Variants in GRTP1 observed in about 807,000 individuals in gnomAD.
The protein encoded by GRTP1 is growth hormone-regulated TBC protein 1.
Under a neutral mutation model 38.1 loss-of-function variants are expected in GRTP1, and 56 were observed. The ratio of observed to expected loss-of-function variants is 1.47; its 90% CI spans 1.19 to 1.84. The LOEUF (loss-of-function observed/expected upper bound fraction) is 1.84, where lower values mean the gene tolerates loss of function less well. GRTP1 is among the 40% of genes most tolerant of loss of function. The pLI, the probability that GRTP1 is intolerant of heterozygous loss-of-function variation, is 0.00. For synonymous variants in GRTP1, 217 were observed against 189.5 expected (o/e 1.14, Z -1.19); for missense variants, 506 against 453.9 (o/e 1.11, Z -1.04).
At chr13:113,328,494 A>G (rs1029933308) in intron 5 of GRTP1, among the ~76,000 whole-genome samples, 2 of 152,164 alleles carry the variant, frequency 1.3e-5, no homozygotes, top group Non-Finnish European at 2.9e-5. Context: ...GGTGCTTTCA[A>G]TTAGAAAACA....
chr13:113,333,272 G>A (rs1308389273), intron 5 of GRTP1, among the ~76,000 whole-genome samples: 1 of 152,170 alleles, frequency 6.6e-6, no homozygotes, highest in Non-Finnish European at 1.5e-5. Context: ...GTGTAACCCG[G>A]GGCAATGCTA....
chr13:113,333,849 G>A (rs1218163029), intron 5 of GRTP1, among the ~76,000 whole-genome samples: 3 of 119,532 alleles, frequency 2.5e-5, no homozygotes, highest in African/African-American at 6.2e-5. Flanking sequence ...GTGTGTGTGT[G>A]TGTGTGTGTG....
At chr13:113,360,590 AC>A (rs2043477005) in intron 2 of GRTP1, among the ~76,000 whole-genome samples, 1 of 152,182 alleles carries the variant, frequency 6.6e-6, no homozygotes. Context: ...GGGCACCCTG[AC>A]GGTCACACTG....
At chr13:113,345,168 A>G (rs1380098342) in intron 4 of GRTP1, among the ~76,000 whole-genome samples, 1 of 152,258 alleles carries the variant, frequency 6.6e-6, no homozygotes, top group Non-Finnish European at 1.5e-5. Context: ...CGTGAAAAGT[A>G]AAAGCAAAAG....
intron 7 of GRTP1, 188 bp downstream of exon 7, chr13:113,325,473 C>T: frequency 1.4e-6 from 2 of 1,458,734 alleles, no homozygotes; most frequent in Non-Finnish European, 1.8e-6. Flanking sequence ...ACAGGGCCGC[C>T]ATAGACAGGA....
At chr13:113,336,305 T>TTTGTTG (rs796682682) in intron 5 of GRTP1, among the ~76,000 whole-genome samples, 1 of 94,356 alleles carries the variant, frequency 1.1e-5, no homozygotes, top group Non-Finnish European at 2.0e-5. Flanking sequence ...GTAGTTTTTT[T>TTTGTTG]TTTTTTTTTT....
intron 5 of GRTP1, among the ~76,000 whole-genome samples, chr13:113,336,499 G>C: frequency 6.6e-6 from 1 of 152,112 alleles, no homozygotes; most frequent in Non-Finnish European, 1.5e-5. Context: ...ACTGCTGCCT[G>C]CAGACACCAT....
At chr13:113,352,234 A>ATATATATATTTATATATATT (rs201594482) in intron 3 of GRTP1, among the ~76,000 whole-genome samples, 47 of 113,310 alleles carry the variant, frequency 4.1e-4, no homozygotes, top group Admixed American at 4.1e-4. Context: ...TTCTATATTT[A>ATATATATATTTATATATATT]TATATATATT....
chr13:113,358,353 T>C (rs2043433989), intron 2 of GRTP1, among the ~76,000 whole-genome samples: 1 of 152,206 alleles, frequency 6.6e-6, no homozygotes, highest in East Asian at 1.9e-4. Flanking sequence ...AGATACACCA[T>C]GTTCACAGAT....
At chr13:113,325,306 A>G in intron 7 of GRTP1, 1 of 1,345,684 alleles carries the variant, frequency 7.4e-7, no homozygotes, top group Non-Finnish European at 9.5e-7. Context: ...AGCTCCCACA[A>G]CGCCCTCATC....
intron 5 of GRTP1, among the ~76,000 whole-genome samples, chr13:113,330,932 C>T (rs1268444174): frequency 8.0e-6 from 1 of 124,512 alleles, no homozygotes; most frequent in African/African-American, 3.2e-5. Context: ...CATGGGAGCC[C>T]AGGTGTGTGC....
chr13:113,344,060 AAG>A (rs1450349054), intron 5 of GRTP1, among the ~76,000 whole-genome samples: 1 of 152,262 alleles, frequency 6.6e-6, no homozygotes, highest in Non-Finnish European at 1.5e-5. Flanking sequence ...AAGGTTTGAA[AAG>A]AATGGTTTTC....
rs139445795 is a variant in GRTP1, at chr13:113,350,670, C to T, written c.465+179G>A. Among the ~76,000 whole-genome samples, 572 of 152,284 alleles carry T rather than the reference C, an allele frequency of 3.8e-3. 1 individual carries two copies. The highest frequency in any genetic ancestry group is 0.013 in the African/African-American group (544 of 41,560). On this transcript the variant is annotated intron_variant, in intron 4 of 7. Transcript: ENST00000375431. ...CCACCTGAGGCCGGAATGAGGTCGT[C>T]GGCTGCTGCTCCCTGTCCTCCCTGC...
intron 3 of GRTP1, among the ~76,000 whole-genome samples, chr13:113,354,604 C>G (rs1000371466): frequency 6.6e-6 from 1 of 151,704 alleles, no homozygotes; most frequent in Non-Finnish European, 1.5e-5. Flanking sequence ...TCCCAACTCA[C>G]CGCAACCTCC....
intron 5 of GRTP1, 111 bp from the exon 6 acceptor site, chr13:113,326,202 CAAGA>C: frequency 7.5e-7 from 1 of 1,341,082 alleles, no homozygotes; most frequent in Non-Finnish European, 1.0e-6. Context: ...GGACCCCTCC[CAAGA>C]GGGAGGGACA....
chr13:113,347,471 C>A (rs76468602), intron 4 of GRTP1, among the ~76,000 whole-genome samples: 641 of 61,480 alleles, frequency 0.01, 57 homozygotes, highest in East Asian at 0.035. Context: ...TCTCTGTGGC[C>A]GAGAGCAGAC....
intron 3 of GRTP1, among the ~76,000 whole-genome samples, chr13:113,352,294 A>T (rs1456789025): frequency 8.1e-5 from 5 of 61,696 alleles, no homozygotes; most frequent in South Asian, 5.3e-4. Context: ...ATATATATTT[A>T]TATATATTTT....
At chr13:113,328,769 T>C (rs1159170848) in intron 5 of GRTP1, among the ~76,000 whole-genome samples, 2 of 152,238 alleles carry the variant, frequency 1.3e-5, no homozygotes, top group Non-Finnish European at 2.9e-5. Flanking sequence ...AAACATTAAA[T>C]GGTCTGTGCA....
intron 5 of GRTP1, among the ~76,000 whole-genome samples, chr13:113,338,908 A>ATTTTT (rs10534935): frequency 1.1e-5 from 1 of 93,620 alleles, no homozygotes; most frequent in African/African-American, 3.5e-5. Flanking sequence ...TTCTGCTTAG[A>ATTTTT]TTTTTTTTTT....
Sources: allele counts gnomAD v4.1 joint callset (sites outside exome capture counted in the v4.1 genomes callset), GRCh38; gene constraint gnomAD v4.1.1; transcripts MANE v1.5; gene names NCBI Gene and HGNC (gene_info 2026-07-23, HGNC 2026-07-21).